BCKDHB: variants seen among roughly 807,000 people sequenced by gnomAD.
BCKDHB encodes the protein branched chain keto acid dehydrogenase E1 subunit beta.
In BCKDHB, 41 loss-of-function variants were observed where a neutral mutation model predicts 48.5. The ratio of observed to expected loss-of-function variants is 0.85; its 90% CI spans 0.66 to 1.10. The LOEUF (loss-of-function observed/expected upper bound fraction) is 1.10, where lower values mean the gene tolerates loss of function less well. Ranked by LOEUF, BCKDHB falls within the 50% of genes least tolerant of loss-of-function variation. The pLI is 0.00. For missense variants in BCKDHB, 496 were observed against 494.2 expected (o/e 1.00, Z -0.03); for synonymous variants, 201 against 174.8 (o/e 1.15, Z -1.18).
At chr6:80,250,304 A>AT (rs1776784959) in intron 8 of BCKDHB, among the ~76,000 whole-genome samples, 1 of 152,182 alleles carries the variant, frequency 6.6e-6, no homozygotes, top group South Asian at 2.1e-4. Flanking sequence ...AAATTGTGGT[A>AT]TTAAATATTT....
intron 6 of BCKDHB, among the ~76,000 whole-genome samples, chr6:80,189,970 T>A (rs1365533287): frequency 6.6e-6 from 1 of 152,088 alleles, no homozygotes; most frequent in Non-Finnish European, 1.5e-5. Flanking sequence ...GCTATGTAAA[T>A]AAACTTGGAG....
chr6:80,266,873 C>T (rs565657679), intron 8 of BCKDHB, among the ~76,000 whole-genome samples: 20 of 151,990 alleles, frequency 1.3e-4, no homozygotes, highest in Admixed American at 1.3e-4. Flanking sequence ...ATTTATTGAG[C>T]GGCCACATAT....
At chr6:80,361,127 C>A in the BCKDHB span, among the ~76,000 whole-genome samples, 1 of 152,180 alleles carries the variant, frequency 6.6e-6, no homozygotes, top group Non-Finnish European at 1.5e-5. Context: ...CTCTATCCTG[C>A]ATGCCAGCTT....
At chr6:80,213,029 T>C (rs926848051) in intron 8 of BCKDHB, among the ~76,000 whole-genome samples, 41 of 152,232 alleles carry the variant, frequency 2.7e-4, no homozygotes, top group African/African-American at 9.9e-4. Flanking sequence ...CAACAATGAC[T>C]GTGATAGGAT....
At chr6:80,406,372 G>A in the BCKDHB span, among the ~76,000 whole-genome samples, 2 of 152,210 alleles carry the variant, frequency 1.3e-5, no homozygotes. Flanking sequence ...TATATACCCA[G>A]TAATGGGATT....
intron 8 of BCKDHB, among the ~76,000 whole-genome samples, chr6:80,242,312 G>A (rs1255035508): frequency 3.9e-5 from 6 of 152,032 alleles, no homozygotes; most frequent in African/African-American, 7.3e-5. Context: ...TCATGTACAC[G>A]TGGATTTGTT....
rs887423542 is a variant in BCKDHB at position 80,240,471 on chromosome 6, C to T, written c.952-32664C>T. On this transcript the variant is annotated intron_variant, in intron 8 of 9. Transcript: ENST00000320393. The stretch of plus-strand genomic sequence containing the variant: ...ACTCATGATTTGGCTCTCTGTTTGT[C>T]TGTTATTGGTGTATAGGAATGCTTG... Among the ~76,000 whole-genome samples, 3 of 152,050 alleles carry T rather than the reference C, an allele frequency of 2.0e-5. No homozygotes were observed. In the East Asian group the frequency reaches 5.8e-4, roughly 29 times the overall value.
the BCKDHB span, among the ~76,000 whole-genome samples, chr6:80,455,512 G>T: frequency 1.3e-5 from 2 of 150,764 alleles, no homozygotes; most frequent in African/African-American, 2.4e-5. Context: ...AGACTATGCT[G>T]AAGTCTTGTA....
the BCKDHB span, chr6:80,355,488 C>T: frequency 3.3e-5 from 5 of 151,494 alleles, no homozygotes; most frequent in East Asian, 3.9e-4. Context: ...TTACTTGCAC[C>T]GTGATTTTAT....
chr6:80,334,718 CT>C (rs1769484256), intron 9 of BCKDHB, among the ~76,000 whole-genome samples: 1 of 151,664 alleles, frequency 6.6e-6, no homozygotes, highest in African/African-American at 2.4e-5. Context: ...AGATTCCCCC[CT>C]CCCCCTTTTC....
chr6:80,289,632 G>A (rs1179577), intron 9 of BCKDHB, among the ~76,000 whole-genome samples: 121,284 of 151,936 alleles, frequency 0.8, 48,590 homozygotes, highest in Admixed American at 0.87. Flanking sequence ...ATGGCTCTTG[G>A]GAAAGGGGTG....
At chr6:80,124,858 A>G (rs1770255385) in intron 1 of BCKDHB, among the ~76,000 whole-genome samples, 1 of 152,164 alleles carries the variant, frequency 6.6e-6, no homozygotes, top group South Asian at 2.1e-4. Flanking sequence ...TGTTTCATTG[A>G]AAGAGAACAG....
intron 8 of BCKDHB, among the ~76,000 whole-genome samples, chr6:80,215,481 T>C (rs942384589): frequency 6.6e-6 from 1 of 152,236 alleles, no homozygotes; most frequent in Non-Finnish European, 1.5e-5. Context: ...TTGTGTATTA[T>C]GTTCATTGCT....
the BCKDHB span, among the ~76,000 whole-genome samples, chr6:80,408,824 T>C: frequency 1.3e-5 from 2 of 149,148 alleles, no homozygotes; most frequent in South Asian, 4.2e-4. Context: ...ACCAAACAGC[T>C]CCTGGATTCA....
intron 8 of BCKDHB, among the ~76,000 whole-genome samples, chr6:80,243,347 C>T (rs979295125): frequency 6.6e-6 from 1 of 152,064 alleles, no homozygotes; most frequent in Non-Finnish European, 1.5e-5. Context: ...GAGTGGGGAG[C>T]CCTATGGTTC....
intron 9 of BCKDHB, among the ~76,000 whole-genome samples, chr6:80,313,324 CTCT>C (rs1167468984): frequency 2.6e-5 from 4 of 151,940 alleles, no homozygotes; most frequent in Non-Finnish European, 5.9e-5. Context: ...TGAATCTTCT[CTCT>C]TTTTTTCTTT....
the BCKDHB span, among the ~76,000 whole-genome samples, chr6:80,420,519 C>T: frequency 2.6e-5 from 4 of 152,320 alleles, no homozygotes; most frequent in South Asian, 8.3e-4. Context: ...TTCAAACCAG[C>T]AGAATCATGC....
chr6:80,190,060 G>A (rs1773821561), intron 6 of BCKDHB, among the ~76,000 whole-genome samples: 1 of 152,086 alleles, frequency 6.6e-6, no homozygotes, highest in African/African-American at 2.4e-5. Context: ...TTCTAATGGA[G>A]GAGTGATATA....
intron 9 of BCKDHB, among the ~76,000 whole-genome samples, chr6:80,301,802 C>T (rs998571574): frequency 6.6e-6 from 1 of 152,130 alleles, no homozygotes; most frequent in African/African-American, 2.4e-5. Flanking sequence ...ACACTATGAT[C>T]AAATAGGCTT....
Sources: allele counts gnomAD v4.1 joint callset (sites outside exome capture counted in the v4.1 genomes callset), GRCh38; gene constraint gnomAD v4.1.1; transcripts MANE v1.5; gene names NCBI Gene and HGNC (gene_info 2026-07-23, HGNC 2026-07-21).